The following TRIO variants were observed in gnomAD, a reference collection of about 807,000 sequenced individuals.
The protein encoded by TRIO is trio Rho guanine nucleotide exchange factor, also known as triple functional domain protein.
A neutral mutation model predicts 351.9 loss-of-function variants in TRIO; 58 were observed. The ratio of observed to expected loss-of-function variants is 0.16; its 90% confidence interval spans 0.13 to 0.21. The LOEUF (loss-of-function observed/expected upper bound fraction) is 0.21, where lower values mean the gene tolerates loss of function less well. Among genes scored for constraint, TRIO ranks in the 10% least tolerant of loss-of-function variants. TRIO has a pLI of 1.00. For synonymous variants in TRIO, 1,758 were observed against 1,595.7 expected (o/e 1.10, Z -2.42); for missense variants, 3,201 against 4,027.8 (o/e 0.79, Z 5.56).
chr5:14,353,009 G>T (rs1026028284), intron 11 of TRIO, among the ~76,000 whole-genome samples: 3 of 152,050 alleles, frequency 2.0e-5, no homozygotes, highest in Non-Finnish European at 4.4e-5. Flanking sequence ...ATTCTAGCAC[G>T]TTTTCCTCAT....
chr5:14,405,232 G>A (rs924190824), intron 31 of TRIO, among the ~76,000 whole-genome samples: 3 of 152,180 alleles, frequency 2.0e-5, no homozygotes, highest in Admixed American at 6.6e-5. Context: ...TCGGGGATTG[G>A]CAGTTGGTGA....
intron 33 of TRIO, among the ~76,000 whole-genome samples, chr5:14,416,179 C>T (rs1051648121): frequency 6.7e-6 from 1 of 149,452 alleles, no homozygotes; most frequent in Non-Finnish European, 1.5e-5. Context: ...TCAGACGTAA[C>T]ATACGAGATA....
chr5:14,266,043 TCATC>T (rs933273136), intron 1 of TRIO, among the ~76,000 whole-genome samples: 1 of 152,122 alleles, frequency 6.6e-6, no homozygotes, highest in African/African-American at 2.4e-5. Context: ...ATTCATTCAT[TCATC>T]CATCCATCTT....
chr5:14,481,387 C>A, intron 44 of TRIO, 103 bp downstream of exon 44: 1 of 1,505,792 alleles, frequency 6.6e-7, no homozygotes, highest in South Asian at 1.2e-5. Context: ...GGGGTCAAAG[C>A]AGTGGATGAC....
intron 1 of TRIO, among the ~76,000 whole-genome samples, chr5:14,149,763 T>G (rs1025677964): frequency 3.3e-5 from 5 of 152,190 alleles, no homozygotes; most frequent in Non-Finnish European, 7.3e-5. Context: ...AGCTGGTGTT[T>G]TGGAGGCATC....
At chr5:14,187,325 T>C (rs1226041775) in intron 1 of TRIO, among the ~76,000 whole-genome samples, 1 of 152,190 alleles carries the variant, frequency 6.6e-6, no homozygotes, top group Admixed American at 6.5e-5. Context: ...AAAGCAGAAG[T>C]TGCTAGATGG....
chr5:14,143,617 C>T lies in TRIO; in HGVS notation c.-109C>T, dbSNP rs1338671998. On this transcript the variant is annotated 5_prime_UTR_variant, in exon 1 of 57. Coordinates refer to ENST00000344204, the MANE Select transcript of TRIO (RefSeq NM_007118.4). Reference sequence around the variant, plus strand: ...CGGGGCTCTGCGTCCGCGCGCCGGGCGCGGGCAGCTGGGTGCTCGGCGCCG... The same window carrying T: ...CGGGGCTCTGCGTCCGCGCGCCGGGTGCGGGCAGCTGGGTGCTCGGCGCCG... The T allele has an allele frequency of 1.2e-5, 4 of 329,086 alleles. No homozygotes were observed. Among genetic ancestry groups the T allele is most frequent in the African/African-American group, 6.8e-5 (3 of 44,134 alleles). The allele number at this position is 329,086 out of a possible 1,614,324, so 20.4% of individuals were successfully genotyped here. A position where few individuals can be genotyped will look rare whatever the true frequency, so the allele number is the denominator to read the frequency against.
chr5:14,303,279 G>C (rs1161833505), intron 7 of TRIO, among the ~76,000 whole-genome samples: 1 of 149,390 alleles, frequency 6.7e-6, no homozygotes, highest in Admixed American at 6.6e-5. Flanking sequence ...CCTGGAGATG[G>C]AGGGTGGCAG....
chr5:14,401,367 A>G (rs527784418), intron 31 of TRIO, among the ~76,000 whole-genome samples: 1 of 152,226 alleles, frequency 6.6e-6, no homozygotes, highest in Non-Finnish European at 1.5e-5. Flanking sequence ...AGATGCAGGA[A>G]GTCAGGGTAC....
chr5:14,210,620 G>T (rs892374215), intron 1 of TRIO, among the ~76,000 whole-genome samples: 3 of 151,884 alleles, frequency 2.0e-5, no homozygotes, highest in Admixed American at 6.6e-5. Context: ...TGTTGTTGTT[G>T]TCGTGGTTTT....
At position 14,364,747 on chromosome 5, in the gene TRIO, C is replaced by A. The variant is rs760667902; in HGVS notation, c.2685C>A (p.Ala895=). 3 of 1,612,574 alleles carry A rather than the reference C, an allele frequency of 1.9e-6. No individual in the cohort carries two copies. Among genetic ancestry groups the A allele is most frequent in the Non-Finnish European group, 1.7e-6 (2 of 1,180,002 alleles). ...AAAAACAGCAGGAATTGGATTTAGC[C>A]GCAGAGCAGCATCGGAAACACCTGG... ...LHEKQQELDL[A]AEQHRKHLEQ... is the part of the protein sequence containing the mutation. Residue 895 remains alanine, a synonymous_variant, in exon 15 of 57, where the codon GCC becomes GCA. Transcript: ENST00000344204.
chr5:14,385,872 G>A (rs1746496950), intron 21 of TRIO, among the ~76,000 whole-genome samples: 2 of 152,082 alleles, frequency 1.3e-5, no homozygotes, highest in Non-Finnish European at 1.5e-5. Context: ...TCACTTCTGT[G>A]TCCCCATCAC....
Position 14,291,207 on chromosome 5 carries a change from G to A in TRIO, c.1032G>A (p.Leu344=), listed in dbSNP as rs1302361796. 1 of 1,613,692 alleles carries A rather than the reference G, an allele frequency of 6.2e-7. No homozygotes were observed. Among genetic ancestry groups the A allele is most frequent in the Non-Finnish European group, 8.5e-7 (1 of 1,179,794 alleles). The change falls in exon 5 of 57, where the codon CTG becomes CTA. Residue 344 remains leucine (L), a synonymous_variant. Transcript: ENST00000344204. ...LKLDQCFQLR[L]FEQDAEKMFD... The stretch of plus-strand genomic sequence containing the variant: ...TGGACCAGTGCTTCCAGCTGAGGCT[G>A]TTTGAACAGGATGCTGAGAAGGTAA...
intron 1 of TRIO, among the ~76,000 whole-genome samples, chr5:14,219,933 T>C (rs940521327): frequency 6.6e-6 from 1 of 151,556 alleles, no homozygotes. Flanking sequence ...TTTGTGAGTC[T>C]CTAAAGTCAG....
chr5:14,203,392 A>G (rs1297470294), intron 1 of TRIO, among the ~76,000 whole-genome samples: 1 of 152,246 alleles, frequency 6.6e-6, no homozygotes, highest in African/African-American at 2.4e-5. Context: ...AAGGACTACA[A>G]AAGCCTTACA....
chr5:14,390,423 A>G (rs1746965570), intron 26 of TRIO, 123 bp downstream of exon 26: 1 of 888,492 alleles, frequency 1.1e-6, no homozygotes, highest in Admixed American at 2.7e-5. Context: ...TTGCGGAGAA[A>G]TAGACTTTAC....
chr5:14,488,566 C>T lies in TRIO; in HGVS notation c.7632+306C>T, dbSNP rs1756226329. The T allele has an allele frequency of 1.9e-5, 10 of 514,990 alleles. No individual in the cohort carries two copies. In the East Asian group the frequency reaches 3.1e-4, roughly 16 times the overall value. 31.9% of individuals were successfully genotyped at this position (514,990 alleles called of 1,614,324 possible). On this transcript the variant is annotated intron_variant, in intron 48 of 56. Transcript: ENST00000344204. ...TTGGAACTTTCTTTTTTAACCTCTG[C>T]CTTCCTCACGCACCTATTTTTTGGA...
At chr5:14,295,542 CCCAAGGAGACATCTCTTCTCCAGAT>C (rs1737284324) in intron 6 of TRIO, among the ~76,000 whole-genome samples, 1 of 152,208 alleles carries the variant, frequency 6.6e-6, no homozygotes, top group Admixed American at 6.5e-5. Flanking sequence ...AATAGAGCCA[CCCAAGGAGACATCTCTTCTCCAGAT>C]CCTAACAGAG....
chr5:14,245,003 G>A (rs1440937324), intron 1 of TRIO, among the ~76,000 whole-genome samples: 1 of 152,170 alleles, frequency 6.6e-6, no homozygotes, highest in Non-Finnish European at 1.5e-5. Flanking sequence ...TGAACATCGG[G>A]AGCTATGCAT....
Sources: gnomAD v4.1 joint callset for allele counts (sites outside exome capture counted in the v4.1 genomes callset) on GRCh38, gnomAD v4.1.1 for gene constraint, MANE v1.5 for transcripts, NCBI Gene and HGNC (gene_info 2026-07-23, HGNC 2026-07-21) for gene names.